The following UGT2B11 variants were observed in gnomAD, a reference collection of about 807,000 sequenced individuals.
UGT2B11 encodes UDP-glucuronosyltransferase 2B11.
A neutral mutation model predicts 51.7 loss-of-function variants in UGT2B11; 49 were observed. The ratio of observed to expected loss-of-function variants is 0.95; its 90% CI spans 0.75 to 1.20. The LOEUF (loss-of-function observed/expected upper bound fraction) is 1.20, where lower values mean the gene tolerates loss of function less well. Ranked by LOEUF, UGT2B11 falls within the 50% of genes most tolerant of loss-of-function variation. The pLI is 0.00. For synonymous variants in UGT2B11, 273 were observed against 209.0 expected (o/e 1.31, Z -2.64); for missense variants, 810 against 622.1 (o/e 1.30, Z -3.21).
intron 3 of UGT2B11, 22 bp from the exon 4 acceptor site, chr4:69,205,589 C>T: frequency 1.2e-6 from 2 of 1,605,812 alleles, no homozygotes; most frequent in Non-Finnish European, 1.7e-6. Context: ...AAGAGAATAT[C>T]TTATTCCATG....
intron 3 of UGT2B11, 67 bp downstream of exon 3, chr4:69,208,284 A>T: frequency 6.3e-7 from 1 of 1,598,512 alleles, no homozygotes. Context: ...TATTCTTTCT[A>T]TGTAGATCAC....
Position 69,200,359 on chromosome 4 carries a change from A to G in UGT2B11, c.*81T>C, listed in dbSNP as rs887098725. Reference sequence around the variant, plus strand: ...TGTCACAGGAAGAAAGAAATCTTGCATAACAATCTTTTCTTTCTTGCTGGA... The same window carrying G: ...TGTCACAGGAAGAAAGAAATCTTGCGTAACAATCTTTTCTTTCTTGCTGGA... On this transcript the variant is annotated 3_prime_UTR_variant, in exon 6 of 6. Transcript: ENST00000446444. The G allele has an allele frequency of 4.0e-6, 5 of 1,265,774 alleles. No individual in the cohort carries two copies. The highest frequency in any genetic ancestry group is 5.2e-5 in the South Asian group (2 of 38,582). The allele number at this position is 1,265,774 out of a possible 1,614,324, so 78.4% of individuals were successfully genotyped here. A position where few individuals can be genotyped will look rare whatever the true frequency, so the allele number is the denominator to read the frequency against.
the UGT2B11 span, among the ~76,000 whole-genome samples, chr4:69,222,723 T>A: frequency 6.6e-6 from 1 of 152,242 alleles, no homozygotes; most frequent in Admixed American, 6.5e-5. Context: ...TATACAGTCA[T>A]CAGGATCATC....
upstream of UGT2B11, among the ~76,000 whole-genome samples, chr4:69,216,968 T>C (rs564262997): frequency 7.9e-5 from 12 of 152,230 alleles, no homozygotes; most frequent in East Asian, 5.8e-4. Context: ...TCTATGTATT[T>C]TCACAATTAT....
At chr4:69,217,249 A>G (rs1172831365), upstream of UGT2B11, among the ~76,000 whole-genome samples, 1 of 152,154 alleles carries the variant, frequency 6.6e-6, no homozygotes, top group African/African-American at 2.4e-5. Context: ...ACTTTTAAAA[A>G]GTCTCACCAG....
intron 2 of UGT2B11, among the ~76,000 whole-genome samples, chr4:69,210,395 A>G (rs1413644005): frequency 6.6e-6 from 1 of 151,534 alleles, no homozygotes; most frequent in East Asian, 1.9e-4. Context: ...TATTCTCTTA[A>G]AATATATAGA....
At position 69,200,641 on chromosome 4, in the gene UGT2B11, C is replaced by A; in HGVS notation, c.1389G>T (p.Trp463Cys). 6.2e-7 allele frequency: 1 copy of A among 1,612,358 alleles called. No homozygotes were observed. The highest frequency in any genetic ancestry group is 8.5e-7 in the Non-Finnish European group (1 of 1,178,936). The change falls in exon 6 of 6, where the codon TGG becomes TGT. Residue 463 changes from tryptophan (W) to cysteine (C), a missense_variant. Physicochemically the swap from Trp to Cys is radical, Grantham distance 215 (BLOSUM62 -2). Coordinates refer to ENST00000446444, the MANE Select transcript of UGT2B11 (RefSeq NM_001073.3). Reference sequence around the variant, plus strand: ...CTTTGTGGGGCATGACAAATTCAATCCAGAAGACTGCTCGATCCAGGGGCT... The same window carrying A: ...CTTTGTGGGGCATGACAAATTCAATACAGAAGACTGCTCGATCCAGGGGCT... ...PVKPLDRAVF[W>C]IEFVMPHKGA...
chr4:69,211,261 A>T (rs180892681), intron 2 of UGT2B11: 1 of 151,666 alleles, frequency 6.6e-6, no homozygotes, highest in Admixed American at 6.6e-5. Flanking sequence ...TGAGGTACAC[A>T]TTTATATTGT....
intron 5 of UGT2B11, 32 bp downstream of exon 5, chr4:69,204,398 T>C: frequency 1.2e-6 from 2 of 1,609,222 alleles, no homozygotes; most frequent in Non-Finnish European, 1.7e-6. Context: ...TGTCCACAAA[T>C]ACCACCTAGT....
chr4:69,213,015 T>A (rs1480530672), intron 1 of UGT2B11, among the ~76,000 whole-genome samples: 2 of 151,440 alleles, frequency 1.3e-5, no homozygotes, highest in African/African-American at 4.8e-5. Context: ...TCAATTTATT[T>A]TCTCTTTAAA....
chr4:69,214,898 C>T (rs1722217985), upstream of UGT2B11: 1 of 1,019,210 alleles, frequency 9.8e-7, no homozygotes, highest in East Asian at 2.6e-5. Context: ...TTCATATTTA[C>T]TCAAGGATGT....
chr4:69,205,681 T>C (rs1721827285), intron 3 of UGT2B11, 114 bp from the exon 4 acceptor site: 4 of 1,181,882 alleles, frequency 3.4e-6, no homozygotes, highest in Non-Finnish European at 4.7e-6. Context: ...ATAAATCTAC[T>C]CAAAGATTGA....
At chr4:69,219,738 G>A (rs970129647), upstream of UGT2B11, among the ~76,000 whole-genome samples, 6 of 152,140 alleles carry the variant, frequency 3.9e-5, no homozygotes, top group Non-Finnish European at 8.8e-5. Context: ...CATGGGAATA[G>A]CATGGGAAAA....
chr4:69,201,195 C>G (rs1721646130), intron 5 of UGT2B11: 1 of 152,072 alleles, frequency 6.6e-6, no homozygotes, highest in Non-Finnish European at 1.5e-5. Context: ...TGCTCAGCAT[C>G]ATGAGCCATT....
intron 2 of UGT2B11, among the ~76,000 whole-genome samples, chr4:69,212,180 C>G (rs1722090325): frequency 6.6e-6 from 1 of 151,546 alleles, no homozygotes; most frequent in African/African-American, 2.4e-5. Context: ...TTCTATATAT[C>G]AAAGTAGAAT....
Position 69,200,491 on chromosome 4 carries a change from C to T in UGT2B11, c.1539G>A (p.Leu513=), listed in dbSNP as rs1246138276. The T allele has an allele frequency of 6.2e-7, 1 of 1,611,782 alleles. No individual in the cohort carries two copies. The highest frequency in any genetic ancestry group is 1.3e-5 in the African/African-American group (1 of 74,802). ...TTCTAGCAAACTTCCAGAAACAAAA[C>T]AGACAAAACTTTGTGATGATAAATA... ...TVIFIITKFC[L]FCFWKFARKG... Residue 513 remains leucine (L), a synonymous_variant, in exon 6 of 6, where the codon CTG becomes CTA. Coordinates refer to ENST00000446444, the MANE Select transcript of UGT2B11 (RefSeq NM_001073.3).
chr4:69,223,736 C>T, the UGT2B11 span, among the ~76,000 whole-genome samples: 6 of 152,144 alleles, frequency 3.9e-5, no homozygotes, highest in African/African-American at 1.2e-4. Context: ...AGCTGCTGTA[C>T]TCTAGGCTTC....
chr4:69,220,047 T>C, the UGT2B11 span, among the ~76,000 whole-genome samples: 957 of 152,282 alleles, frequency 6.3e-3, 8 homozygotes, highest in African/African-American at 0.022. Flanking sequence ...ACTTTCTAGA[T>C]ACAATGAAGA....
At chr4:69,219,744 GA>G (rs988675230), upstream of UGT2B11, among the ~76,000 whole-genome samples, 18 of 152,096 alleles carry the variant, frequency 1.2e-4, no homozygotes, top group African/African-American at 4.3e-4. Context: ...AATAGCATGG[GA>G]AAAATGCGCT....
Sources: gnomAD v4.1 joint callset for allele counts (sites outside exome capture counted in the v4.1 genomes callset) on GRCh38, gnomAD v4.1.1 for gene constraint, MANE v1.5 for transcripts, NCBI Gene and HGNC (gene_info 2026-07-23, HGNC 2026-07-21) for gene names.